The following MAST2 variants were observed in gnomAD, a reference collection of about 807,000 sequenced individuals.
The protein encoded by MAST2 is microtubule-associated serine/threonine-protein kinase 2.
MAST2 carries 70 observed loss-of-function variants against 147.4 expected under a neutral mutation model. That is an observed-to-expected ratio of 0.47 (90% CI 0.39 to 0.58). The LOEUF (loss-of-function observed/expected upper bound fraction) is 0.58, where lower values mean the gene tolerates loss of function less well. Ranked by LOEUF, MAST2 falls within the 20% of genes least tolerant of loss-of-function variation. The probability of loss-of-function intolerance (pLI) is 0.00; values close to 1 mark genes in which losing one functional copy is unlikely to be tolerated. For synonymous variants in MAST2, 869 were observed against 896.8 expected, an observed-to-expected ratio of 0.97 and a Z score of 0.55; for missense variants, 2,080 against 2,302.3, an observed-to-expected ratio of 0.90 and a Z score of 1.98.
At position 45,953,941 on chromosome 1, in the gene MAST2, C is replaced by T. The variant is rs1025501097; in HGVS notation, c.501-5445C>T. On this transcript the variant is annotated intron_variant, in intron 4 of 28. Transcript: ENST00000361297. ...AGGGAATATGTATTTTTTTCCCACT[C>T]TCACTTCCCCATCTTAACCAGGACA... Among the ~76,000 whole-genome samples the T allele has an allele frequency of 3.3e-5, 5 of 152,150 alleles. No individual in the cohort carries two copies. In the East Asian group the frequency reaches 5.8e-4, roughly 18 times the overall value.
chr1:46,012,119 T>TAAA (rs1258322572), intron 10 of MAST2, among the ~76,000 whole-genome samples: 65 of 152,224 alleles, frequency 4.3e-4, no homozygotes, highest in Admixed American at 9.2e-4. Context: ...AAATCACTGG[T>TAAA]AGCTGTTTGT....
At chr1:45,834,796 A>G (rs748560238) in intron 3 of MAST2, among the ~76,000 whole-genome samples, 11 of 152,086 alleles carry the variant, frequency 7.2e-5, no homozygotes, top group Non-Finnish European at 1.5e-4. Context: ...TCTCCTGAGT[A>G]TGTTAACTAG....
chr1:45,930,923 A>G (rs1018888598), intron 4 of MAST2, among the ~76,000 whole-genome samples: 1 of 152,262 alleles, frequency 6.6e-6, no homozygotes, highest in Non-Finnish European at 1.5e-5. Flanking sequence ...CTTTACAGAA[A>G]AAGTTTGACA....
intron 10 of MAST2, among the ~76,000 whole-genome samples, chr1:46,014,820 C>T (rs1266620074): frequency 2.6e-5 from 4 of 152,118 alleles, no homozygotes; most frequent in African/African-American, 4.8e-5. Context: ...CTCCACCAAG[C>T]GGACCTAATA....
intron 5 of MAST2, among the ~76,000 whole-genome samples, chr1:45,988,632 A>G (rs958363827): frequency 2.0e-5 from 3 of 152,230 alleles, no homozygotes; most frequent in African/African-American, 7.2e-5. Context: ...AGTGTTCTAC[A>G]TCCTCACTGA....
At chr1:45,926,943 T>G (rs2148680106) in intron 4 of MAST2, among the ~76,000 whole-genome samples, 1 of 152,298 alleles carries the variant, frequency 6.6e-6, no homozygotes, top group East Asian at 1.9e-4. Context: ...CCGATAATCA[T>G]GTAGGTTCTT....
At chr1:45,856,291 A>G (rs1032968690) in intron 3 of MAST2, among the ~76,000 whole-genome samples, 11 of 152,196 alleles carry the variant, frequency 7.2e-5, no homozygotes, top group African/African-American at 2.7e-4. Context: ...AATATCCCGT[A>G]TCTAAAAATA....
At position 46,035,394 on chromosome 1, in the gene MAST2, T is replaced by C. The variant is rs1646861193; in HGVS notation, c.4725T>C (p.Ser1575=). ...CACTGGGGCCTCCCAGAATGGAAAG[T>C]CCCAGTGGTCCCCACAGGAGGCTCG... The part of the protein sequence containing the change: ...GITLGPPRME[S]PSGPHRRLGS... The change falls in exon 29 of 29, where the codon AGT becomes AGC. Residue 1575 remains serine, a synonymous_variant. Transcript: ENST00000361297. This position sits in a 1 kb window ranked among gnomAD's most constrained non-coding sequence, Gnocchi z 5.5. 6.2e-7 allele frequency: 1 copy of C among 1,612,168 alleles called. No individual in the cohort carries two copies. Among genetic ancestry groups the C allele is most frequent in the African/African-American group, 1.3e-5 (1 of 74,786 alleles).
intron 3 of MAST2, among the ~76,000 whole-genome samples, chr1:45,846,580 G>A (rs1302425356): frequency 2.0e-5 from 3 of 152,190 alleles, no homozygotes; most frequent in South Asian, 2.1e-4. Context: ...CCAGCACTTT[G>A]GGAGTCCGAG....
intron 1 of MAST2, among the ~76,000 whole-genome samples, chr1:45,823,463 T>G (rs1402085473): frequency 6.6e-6 from 1 of 151,748 alleles, no homozygotes; most frequent in East Asian, 1.9e-4. Context: ...GCCTCCCGAG[T>G]AAGCCGGGGT....
chr1:45,958,995 G>A (rs1194301419), intron 4 of MAST2, among the ~76,000 whole-genome samples: 1 of 152,138 alleles, frequency 6.6e-6, no homozygotes, highest in Admixed American at 6.5e-5. Context: ...GTTTTGGGGG[G>A]TTCTTAGAGA....
intron 1 of MAST2, among the ~76,000 whole-genome samples, chr1:45,810,857 C>CTTT (rs1221701114): frequency 6.7e-5 from 8 of 119,978 alleles, no homozygotes; most frequent in East Asian, 2.7e-4. Context: ...GCAGTATATT[C>CTTT]TTTTTTTTTT....
chr1:45,954,114 C>A (rs777400949), intron 4 of MAST2, among the ~76,000 whole-genome samples: 1 of 152,128 alleles, frequency 6.6e-6, no homozygotes, highest in African/African-American at 2.4e-5. Flanking sequence ...CAAGTACTAT[C>A]CAGTCACGGA....
chr1:45,804,015 C>A lies in MAST2; in HGVS notation c.120C>A (p.Pro40=), dbSNP rs893009040. The A allele has an allele frequency of 2.5e-6, 3 of 1,199,398 alleles. No homozygotes were observed. Among genetic ancestry groups the A allele is most frequent in the African/African-American group, 3.2e-5 (2 of 62,700 alleles). The allele number at this position is 1,199,398 out of a possible 1,614,324, so 74.3% of individuals were successfully genotyped here. The change falls in exon 1 of 29, where the codon CCC becomes CCA. Residue 40 remains proline (P), a synonymous_variant. Transcript: ENST00000361297. ...QSLPPRRRAP[P]GRQRLEERTG... Reference sequence around the variant, plus strand: ...TGCCGCCGCGCCGGCGAGCGCCGCCCGGGAGGCAGCGGCTGGAGGAGCGGA... The same window carrying A: ...TGCCGCCGCGCCGGCGAGCGCCGCCAGGGAGGCAGCGGCTGGAGGAGCGGA...
At chr1:45,953,679 C>G (rs1659255732) in intron 4 of MAST2, among the ~76,000 whole-genome samples, 2 of 152,136 alleles carry the variant, frequency 1.3e-5, no homozygotes, top group African/African-American at 2.4e-5. Flanking sequence ...GTCCTAGTAG[C>G]TAGAAGTGCC....
chr1:45,858,151 T>C (rs1323157512), intron 3 of MAST2, among the ~76,000 whole-genome samples: 1 of 152,138 alleles, frequency 6.6e-6, no homozygotes, highest in Non-Finnish European at 1.5e-5. Context: ...CTGGGTCAAA[T>C]GGTATTTCTA....
intron 4 of MAST2, among the ~76,000 whole-genome samples, chr1:45,933,585 CAA>C (rs11312369): frequency 2.1e-3 from 212 of 102,220 alleles, no homozygotes; most frequent in African/African-American, 2.0e-3. Context: ...ACTAAAAATG[CAA>C]AAAAAAAAAA....
intron 28 of MAST2, 61 bp from the exon 29 acceptor site, chr1:46,034,477 C>A: frequency 6.6e-7 from 1 of 1,524,312 alleles, no homozygotes; most frequent in South Asian, 1.2e-5. Flanking sequence ...GCCCTTGAGT[C>A]ACTTCTAACA....
At chr1:45,913,667 G>T (rs1463959302) in intron 4 of MAST2, 1 of 1,019,442 alleles carries the variant, frequency 9.8e-7, no homozygotes. Flanking sequence ...GGATGGGAGG[G>T]GTGTTCTGAA....
Sources: allele counts gnomAD v4.1 joint callset (sites outside exome capture counted in the v4.1 genomes callset), GRCh38; gene constraint gnomAD v4.1.1; non-coding constraint Gnocchi (gnomAD v3.1); transcripts MANE v1.5; gene names NCBI Gene and HGNC (gene_info 2026-07-23, HGNC 2026-07-21).